The following EML4 variants were observed in gnomAD, a reference collection of about 807,000 sequenced individuals.
EML4 encodes EMAP like 4, also known as echinoderm microtubule-associated protein-like 4.
A neutral mutation model predicts 129.0 loss-of-function variants in EML4; 72 were observed. The observed-to-expected ratio is 0.56, with a 90% confidence interval of 0.46 to 0.68. EML4 has a LOEUF of 0.68. Ranked by LOEUF, EML4 falls within the 30% of genes least tolerant of loss-of-function variation. EML4 has a pLI of 0.00. For missense variants in EML4, 1,363 were observed against 1,190.6 expected (o/e 1.14, Z -2.13); for synonymous variants, 532 against 405.0 (o/e 1.31, Z -3.77).
At position 42,169,627 on chromosome 2, in the gene EML4, G is replaced by C. The variant is rs1222911299; in HGVS notation, c.16G>C (p.Gly6Arg). Residue 6 changes from glycine to arginine, a missense_variant, in exon 1 of 23, where the codon GGC (glycine) becomes CGC (arginine). By Grantham distance (125) the Gly-to-Arg change is moderately radical (BLOSUM62 -2). Transcript: ENST00000318522. Reference sequence around the variant, plus strand: ...TCCCCGCAAGATGGACGGTTTCGCCGGCAGTCTCGGTGAGTACGGCTGGGG... The same window carrying C: ...TCCCCGCAAGATGGACGGTTTCGCCCGCAGTCTCGGTGAGTACGGCTGGGG... The part of the protein sequence containing the change: MDGFA[G>R]SLDDSISAAS... The C allele has an allele frequency of 3.7e-6, 6 of 1,601,948 alleles. No homozygotes were observed. The highest frequency in any genetic ancestry group is 5.1e-6 in the Non-Finnish European group (6 of 1,174,784).
rs768787333 is a variant in EML4 at position 42,264,606 on chromosome 2, A to G, written c.642-100A>G. The G allele has an allele frequency of 2.1e-5, 15 of 730,692 alleles. No homozygotes were observed. In the Middle Eastern group the frequency reaches 1.1e-3, roughly 54 times the overall value. The allele number at this position is 730,692 out of a possible 1,614,324, so 45.3% of individuals were successfully genotyped here. The stretch of plus-strand genomic sequence containing the variant: ...TCACTTCCAGAGATTTATCTAGATT[A>G]TAGCCTAAGCATTAAAACTTTTACA... On this transcript the variant is annotated intron_variant, in intron 5 of 22. Coordinates refer to ENST00000318522, the MANE Select transcript of EML4 (RefSeq NM_019063.5).
intron 1 of EML4, among the ~76,000 whole-genome samples, chr2:42,179,920 A>G (rs1670832595): frequency 6.6e-6 from 1 of 152,174 alleles, no homozygotes. Context: ...TTATATATAC[A>G]CACAGATACG....
intron 1 of EML4, among the ~76,000 whole-genome samples, chr2:42,212,018 A>T (rs968262480): frequency 6.6e-6 from 1 of 151,802 alleles, no homozygotes; most frequent in Admixed American, 6.6e-5. Context: ...CTAATTATTT[A>T]TATTTTTAGT....
intron 5 of EML4, among the ~76,000 whole-genome samples, chr2:42,263,543 T>C (rs1665867878): frequency 1.3e-5 from 2 of 150,966 alleles, no homozygotes; most frequent in South Asian, 4.2e-4. Flanking sequence ...TAGCTGGGAC[T>C]ATAGGCACGT....
chr2:42,312,355 T>C (rs1323638099), intron 17 of EML4, among the ~76,000 whole-genome samples: 3 of 152,008 alleles, frequency 2.0e-5, no homozygotes, highest in African/African-American at 7.3e-5. Flanking sequence ...TCATGCCTCG[T>C]TATAACCTCT....
At chr2:42,207,971 A>C (rs1053080813) in intron 1 of EML4, 1 of 152,218 alleles carries the variant, frequency 6.6e-6, no homozygotes, top group Non-Finnish European at 1.5e-5. Flanking sequence ...CAGTATTTGG[A>C]TATGAGTATG....
rs2103764668 is a variant in EML4, at chr2:42,169,729, C to G, written c.25+93C>G. ...CCAGGCCCTGCCCTCCCGCCTGCCC[C>G]TCGGGGTGGCAGCGGCTCCACTGCA... On this transcript the variant is annotated intron_variant, in intron 1 of 22. Coordinates refer to ENST00000318522, the MANE Select transcript of EML4 (RefSeq NM_019063.5). 3.5e-6 allele frequency: 5 copies of G among 1,431,928 alleles called. No individual in the cohort carries two copies. The Middle Eastern group carries it at 5.5e-4, about 158-fold the overall frequency. The allele number at this position is 1,431,928 out of a possible 1,614,324, so 88.7% of individuals were successfully genotyped here. A position where few individuals can be genotyped will look rare whatever the true frequency, so the allele number is the denominator to read the frequency against.
chr2:42,184,685 A>C (rs997150659), intron 1 of EML4, among the ~76,000 whole-genome samples: 1 of 151,992 alleles, frequency 6.6e-6, no homozygotes, highest in South Asian at 2.1e-4. Context: ...GTTTAAGTCC[A>C]TCTCTTCTTT....
intron 17 of EML4, among the ~76,000 whole-genome samples, chr2:42,305,096 A>C (rs958905967): frequency 7.9e-5 from 12 of 152,210 alleles, no homozygotes; most frequent in Admixed American, 5.2e-4. Flanking sequence ...AGCATGGGCA[A>C]CAGAGCAAGA....
At chr2:42,263,096 T>C in intron 4 of EML4, 82 bp from the exon 5 acceptor site, 2 of 1,171,762 alleles carry the variant, frequency 1.7e-6, no homozygotes, top group African/African-American at 1.6e-5. Flanking sequence ...TGTTAATTGC[T>C]GCTTTTGTGT....
chr2:42,235,001 A>G (rs1163353859), intron 1 of EML4, among the ~76,000 whole-genome samples: 1 of 152,202 alleles, frequency 6.6e-6, no homozygotes, highest in Admixed American at 6.5e-5. Flanking sequence ...TACTAAAAAT[A>G]CAAAAATTAG....
chr2:42,203,920 C>G (rs1672386351), intron 1 of EML4, among the ~76,000 whole-genome samples: 1 of 151,930 alleles, frequency 6.6e-6, no homozygotes, highest in African/African-American at 2.4e-5. Context: ...GATACTGTTA[C>G]CTTTCTTTTT....
chr2:42,244,923 A>G (rs1277381272), intron 1 of EML4, among the ~76,000 whole-genome samples: 1 of 151,952 alleles, frequency 6.6e-6, no homozygotes, highest in Non-Finnish European at 1.5e-5. Flanking sequence ...AATTAAGATG[A>G]TGTTGTAAAA....
intron 1 of EML4, among the ~76,000 whole-genome samples, chr2:42,197,794 A>G (rs1021650361): frequency 2.0e-5 from 3 of 152,216 alleles, no homozygotes; most frequent in African/African-American, 7.2e-5. Flanking sequence ...GCTATTGACA[A>G]AGATTACAGT....
intron 14 of EML4, among the ~76,000 whole-genome samples, chr2:42,302,243 A>T (rs1204881016): frequency 6.6e-6 from 1 of 152,108 alleles, no homozygotes; most frequent in Non-Finnish European, 1.5e-5. Flanking sequence ...GAACATATTT[A>T]TGGGATACAA....
intron 17 of EML4, among the ~76,000 whole-genome samples, chr2:42,313,943 A>T (rs1669098199): frequency 6.6e-6 from 1 of 152,000 alleles, no homozygotes; most frequent in African/African-American, 2.4e-5. Context: ...TCTCAAAAAA[A>T]AAAAAAGCCT....
chr2:42,210,594 C>T (rs985427864), intron 1 of EML4, among the ~76,000 whole-genome samples: 1 of 152,182 alleles, frequency 6.6e-6, no homozygotes, highest in African/African-American at 2.4e-5. Context: ...TTCTTGAAGA[C>T]AGTATATTTA....
At chr2:42,221,403 CTTTTTT>C (rs74816568) in intron 1 of EML4, among the ~76,000 whole-genome samples, 10 of 108,256 alleles carry the variant, frequency 9.2e-5, no homozygotes, top group African/African-American at 1.3e-4. Context: ...ACATGGTTTA[CTTTTTT>C]TTTTTTTTTT....
intron 5 of EML4, 92 bp downstream of exon 5, chr2:42,263,398 C>CTTTTTTTTTTTTT (rs67401314): frequency 2.0e-5 from 4 of 202,600 alleles, no homozygotes; most frequent in Admixed American, 1.2e-4. Flanking sequence ...TGGTTTGAAT[C>CTTTTTTTTTTTTT]TTTTTTTTTT....
Sources: allele counts gnomAD v4.1 joint callset (sites outside exome capture counted in the v4.1 genomes callset), GRCh38; gene constraint gnomAD v4.1.1; transcripts MANE v1.5; gene names NCBI Gene and HGNC (gene_info 2026-07-23, HGNC 2026-07-21).